ADCY10: variants seen among roughly 807,000 people sequenced by gnomAD.
ADCY10 encodes adenylate cyclase 10.
In ADCY10, 156 loss-of-function variants were observed where a neutral mutation model predicts 183.3. The ratio of observed to expected loss-of-function variants is 0.85; its 90% confidence interval spans 0.75 to 0.97. ADCY10 has a LOEUF of 0.97. Ranked by LOEUF, ADCY10 falls within the 50% of genes least tolerant of loss-of-function variation. The probability of loss-of-function intolerance (pLI) is 0.00; values close to 1 mark genes in which losing one functional copy is unlikely to be tolerated. For synonymous variants in ADCY10, 645 were observed against 670.0 expected (o/e 0.96, Z 0.58); for missense variants, 1,745 against 1,934.3 (o/e 0.90, Z 1.84).
intron 24 of ADCY10, 69 bp from the exon 25 acceptor site, chr1:167,833,231 A>C (rs1357916559): frequency 4.9e-6 from 7 of 1,422,852 alleles, no homozygotes; most frequent in Non-Finnish European, 6.9e-6. Context: ...AGTAGGTCCC[A>C]ACAATCCATA....
intron 5 of ADCY10, among the ~76,000 whole-genome samples, chr1:167,900,810 G>T (rs1188959069): frequency 6.6e-6 from 1 of 152,188 alleles, no homozygotes; most frequent in Non-Finnish European, 1.5e-5. Flanking sequence ...GGGATTACAG[G>T]TGTGAGCCAC....
At chr1:167,861,136 G>C in intron 14 of ADCY10, 73 bp from the exon 15 acceptor site, 2 of 1,274,186 alleles carry the variant, frequency 1.6e-6, no homozygotes, top group Non-Finnish European at 2.2e-6. Flanking sequence ...GAGGTTGAAG[G>C]AAAGCTCTGT....
intron 14 of ADCY10, among the ~76,000 whole-genome samples, chr1:167,863,865 A>G (rs1485478554): frequency 3.3e-5 from 5 of 151,946 alleles, no homozygotes; most frequent in Non-Finnish European, 7.4e-5. Context: ...GAACTTGCCC[A>G]CTCCATTTGA....
intron 13 of ADCY10, among the ~76,000 whole-genome samples, chr1:167,871,448 G>A (rs1327564107): frequency 6.6e-6 from 1 of 152,150 alleles, no homozygotes; most frequent in Non-Finnish European, 1.5e-5. Context: ...AAATCACCTT[G>A]GGTTACAACC....
chr1:167,860,435 T>A (rs567561462), intron 15 of ADCY10, among the ~76,000 whole-genome samples: 1 of 152,282 alleles, frequency 6.6e-6, no homozygotes, highest in African/African-American at 2.4e-5. Flanking sequence ...TAAATAGAGA[T>A]GAAGCTTCAC....
At chr1:167,827,829 T>A (rs1413779834) in intron 26 of ADCY10, among the ~76,000 whole-genome samples, 1 of 152,062 alleles carries the variant, frequency 6.6e-6, no homozygotes, top group Admixed American at 6.5e-5. Context: ...TTCTCCTGCC[T>A]CGGCCTCCTG....
rs538462140 is a variant in ADCY10 at position 167,853,830 on chromosome 1, C to CTTTTTTTTTTTTTTTTTTTTT, written c.2308+502_2308+522dup. 8.4e-4 allele frequency among the ~76,000 whole-genome samples: 65 copies of CTTTTTTTTTTTTTTTTTTTTT among 77,188 alleles called. 5 individuals carry two copies. The highest frequency in any genetic ancestry group is 1.2e-3 in the African/African-American group (21 of 18,132). The allele number at this position is 77,188 out of a possible 152,430, so 50.6% of individuals were successfully genotyped here. A position where few individuals can be genotyped will look rare whatever the true frequency, so the allele number is the denominator to read the frequency against. On this transcript the variant is annotated intron_variant, in intron 18 of 32. Transcript: ENST00000367851. Reference sequence around the variant, plus strand: ...TGTTCTTTCATTTCTACTATAGTTACTTTTTTTTTTTTTTTTTTTTTTTTT... The same window carrying CTTTTTTTTTTTTTTTTTTTTT: ...TGTTCTTTCATTTCTACTATAGTTACTTTTTTTTTTTTTTTTTTTTTTTTTTTTTTTTTTTTTTTTTTTTTT...
intron 31 of ADCY10, among the ~76,000 whole-genome samples, chr1:167,817,663 A>G (rs942458583): frequency 1.1e-4 from 16 of 152,352 alleles, no homozygotes; most frequent in African/African-American, 3.8e-4. Flanking sequence ...TCACAGCAAT[A>G]GCAATAAAAT....
chr1:167,826,864 G>A (rs1663328981), intron 26 of ADCY10, among the ~76,000 whole-genome samples: 1 of 152,186 alleles, frequency 6.6e-6, no homozygotes, highest in African/African-American at 2.4e-5. Context: ...AGTGACAGAT[G>A]GGATTAAACT....
At chr1:167,858,497 C>CAAAAAAA (rs57443879) in intron 16 of ADCY10, among the ~76,000 whole-genome samples, 2 of 70,320 alleles carry the variant, frequency 2.8e-5, no homozygotes, top group Non-Finnish European at 2.6e-5. Context: ...GACTCTGTCT[C>CAAAAAAA]AAAAAAAAAA....
intron 11 of ADCY10, among the ~76,000 whole-genome samples, chr1:167,879,398 GA>G (rs1667718336): frequency 6.6e-6 from 1 of 152,098 alleles, no homozygotes; most frequent in African/African-American, 2.4e-5. Flanking sequence ...ACATAAACTT[GA>G]ATACTTCTGA....
chr1:167,876,196 G>T (rs895968211), intron 12 of ADCY10, among the ~76,000 whole-genome samples: 5 of 150,318 alleles, frequency 3.3e-5, no homozygotes. Flanking sequence ...GACAGAGGTT[G>T]CAGTGAGCCA....
At chr1:167,811,662 C>T (rs1408980173) in intron 31 of ADCY10, among the ~76,000 whole-genome samples, 1 of 152,192 alleles carries the variant, frequency 6.6e-6, no homozygotes, top group African/African-American at 2.4e-5. Context: ...GAAGTGAGAA[C>T]ACAGGGCAAA....
At chr1:167,879,343 T>A (rs1187360655) in intron 11 of ADCY10, among the ~76,000 whole-genome samples, 1 of 152,234 alleles carries the variant, frequency 6.6e-6, no homozygotes, top group Non-Finnish European at 1.5e-5. Flanking sequence ...CTTGTAAGCC[T>A]TCAATTAATA....
intron 1 of ADCY10, among the ~76,000 whole-genome samples, chr1:167,906,418 A>G (rs866378515): frequency 6.6e-6 from 1 of 152,080 alleles, no homozygotes; most frequent in Non-Finnish European, 1.5e-5. Flanking sequence ...AGCATGTGCC[A>G]GGAACAGTCA....
At chr1:167,847,335 A>G (rs557461407) in intron 19 of ADCY10, among the ~76,000 whole-genome samples, 2 of 152,338 alleles carry the variant, frequency 1.3e-5, no homozygotes, top group South Asian at 4.1e-4. Context: ...TATGGATGGC[A>G]TGAATTGGAG....
rs1667138007 is a variant in ADCY10 at position 167,872,027 on chromosome 1, AAAAT to A, written c.1463-1621_1463-1618del. On this transcript the variant is annotated intron_variant, in intron 13 of 32. Transcript: ENST00000367851. ...CCTAGAACTTAAAGTATAATAATAA[AAAAT>A]AAATAAATAAAAAATAATAAAGTTT... Among the ~76,000 whole-genome samples the A allele has an allele frequency of 3.9e-5, 6 of 152,140 alleles. No homozygotes were observed. In the South Asian group the frequency reaches 1.0e-3, roughly 26 times the overall value.
chr1:167,822,071 C>T lies in ADCY10; in HGVS notation c.4239G>A (p.Lys1413=), dbSNP rs1433757612. 1.2e-6 allele frequency: 2 copies of T among 1,610,210 alleles called. No homozygotes were observed. The highest frequency in any genetic ancestry group is 1.7e-6 in the Non-Finnish European group (2 of 1,176,464). ...GTCCCAGGAGGAGTCCACTGTGGAACTTGAGGATTCTGTTGTTTTCGTATT... is the reference window on the plus strand; with the variant it reads ...GTCCCAGGAGGAGTCCACTGTGGAATTTGAGGATTCTGTTGTTTTCGTATT... The part of the protein sequence containing the change: ...IHQYENNRIL[K]FHSGLLLGLY... Residue 1413 remains lysine, a synonymous_variant, in exon 30 of 33, where the codon AAG becomes AAA. Coordinates refer to ENST00000367851, the MANE Select transcript of ADCY10 (RefSeq NM_018417.6).
intron 2 of ADCY10, chr1:167,904,783 C>T (rs1669701175): frequency 1.5e-6 from 1 of 655,980 alleles, no homozygotes; most frequent in South Asian, 1.8e-5. Flanking sequence ...AAAGATATGC[C>T]TATGACTGGC....
Sources: gnomAD v4.1 joint callset for allele counts (sites outside exome capture counted in the v4.1 genomes callset) on GRCh38, gnomAD v4.1.1 for gene constraint, MANE v1.5 for transcripts, NCBI Gene and HGNC (gene_info 2026-07-23, HGNC 2026-07-21) for gene names.